The following SKIC8 variants were observed in gnomAD, a reference collection of about 807,000 sequenced individuals.
SKIC8 encodes SKI8 subunit of superkiller complex.
chr15:78,283,679 G>A, the SKIC8 span: 1 of 486,828 alleles, frequency 2.1e-6, no homozygotes, highest in East Asian at 3.3e-5. Context: ...CTTTAACCGA[G>A]CACCTTCCAT....
chr15:78,299,588 A>C, the SKIC8 span: 1 of 152,424 alleles, frequency 6.6e-6, no homozygotes, highest in Non-Finnish European at 1.5e-5. Context: ...TGCACGTCGG[A>C]AGCCGGGCTC....
chr15:78,283,334 T>G, the SKIC8 span: 3 of 925,174 alleles, frequency 3.2e-6, no homozygotes, highest in Non-Finnish European at 4.9e-6. Flanking sequence ...TTTGCTACAA[T>G]AAATGCTATA....
chr15:78,295,691 T>G, the SKIC8 span: 1 of 1,561,150 alleles, frequency 6.4e-7, no homozygotes, highest in South Asian at 1.2e-5. Flanking sequence ...GGTCATTTCC[T>G]TAACCAAGGA....
the SKIC8 span, chr15:78,289,912 A>G: frequency 4.4e-6 from 7 of 1,602,422 alleles, no homozygotes; most frequent in Non-Finnish European, 5.1e-6. Context: ...GGGTAAACTG[A>G]AAGAATCAGA....
the SKIC8 span, chr15:78,294,618 CAG>C: frequency 2.0e-5 from 6 of 307,632 alleles, no homozygotes; most frequent in African/African-American, 8.6e-5. Flanking sequence ...CCGGCATTAA[CAG>C]AGTTTTGAGC....
chr15:78,289,288 C>T, the SKIC8 span, among the ~76,000 whole-genome samples: 1 of 152,150 alleles, frequency 6.6e-6, no homozygotes, highest in African/African-American at 2.4e-5. Flanking sequence ...TGGTGTGCAC[C>T]TGTAGTCCCA....
chr15:78,292,698 A>T, the SKIC8 span: 1 of 1,614,234 alleles, frequency 6.2e-7, no homozygotes, highest in Admixed American at 1.7e-5. Flanking sequence ...AGCTGGATGC[A>T]GCAATGGGCA....
the SKIC8 span, chr15:78,289,981 C>T: frequency 1.2e-6 from 2 of 1,613,870 alleles, no homozygotes; most frequent in Non-Finnish European, 1.7e-6. Context: ...ATTTTCCTCT[C>T]GTGTCCAAAG....
At chr15:78,295,676 T>C in the SKIC8 span, 1 of 1,576,416 alleles carries the variant, frequency 6.3e-7, no homozygotes, top group Non-Finnish European at 8.6e-7. Flanking sequence ...AGGTCTTACC[T>C]GGTTGGTCAT....
chr15:78,283,755 T>A, the SKIC8 span: 1 of 431,056 alleles, frequency 2.3e-6, no homozygotes. Context: ...AAATCATTTT[T>A]AAATACAGTA....
At chr15:78,283,629 G>A in the SKIC8 span, 4 of 839,676 alleles carry the variant, frequency 4.8e-6, no homozygotes, top group East Asian at 2.7e-5. Flanking sequence ...AAACTGAGAT[G>A]AGGATGTTCT....
At chr15:78,298,311 A>G in the SKIC8 span, among the ~76,000 whole-genome samples, 2 of 152,216 alleles carry the variant, frequency 1.3e-5, no homozygotes, top group Non-Finnish European at 1.5e-5. Flanking sequence ...TGATTCTATC[A>G]ATGAGTGCAC....
chr15:78,286,188 A>G, the SKIC8 span: 3 of 1,477,708 alleles, frequency 2.0e-6, no homozygotes, highest in Non-Finnish European at 2.8e-6. Flanking sequence ...CAGTATAATC[A>G]CTGAAGTGGA....
chr15:78,283,278 C>A, the SKIC8 span: 1 of 584,746 alleles, frequency 1.7e-6, no homozygotes, highest in Non-Finnish European at 2.9e-6. Context: ...ACAGCATTTC[C>A]AATAAAACAT....
chr15:78,291,207 A>G, the SKIC8 span: 6 of 152,196 alleles, frequency 3.9e-5, no homozygotes, highest in African/African-American at 1.4e-4. Flanking sequence ...TTTTACTTGG[A>G]ACCAATCCAG....
At chr15:78,293,287 G>A in the SKIC8 span, 3,763 of 1,610,420 alleles carry the variant, frequency 2.3e-3, 101 homozygotes, top group Admixed American at 0.047. Context: ...AATGGAAAGT[G>A]CTTCATTTAT....
the SKIC8 span, chr15:78,286,345 T>A: frequency 4.3e-6 from 2 of 464,816 alleles, no homozygotes; most frequent in Non-Finnish European, 7.7e-6. Flanking sequence ...CCATAATGTG[T>A]TGACACCACC....
the SKIC8 span, chr15:78,291,707 T>A: frequency 6.6e-6 from 1 of 152,078 alleles, no homozygotes; most frequent in Non-Finnish European, 1.5e-5. Flanking sequence ...CAGCCTAGAG[T>A]GGCTACTGAG....
chr15:78,295,412 T>G, the SKIC8 span: 165 of 554,194 alleles, frequency 3.0e-4, 4 homozygotes, highest in African/African-American at 2.8e-3. Context: ...TTTTTTTTTT[T>G]TTTTTTGTAC....
Sources: gnomAD v4.1 joint callset for allele counts (sites outside exome capture counted in the v4.1 genomes callset) on GRCh38, gnomAD v4.1.1 for gene constraint, MANE v1.5 for transcripts, NCBI Gene and HGNC (gene_info 2026-07-23, HGNC 2026-07-21) for gene names.